SPAG9: variants seen among roughly 807,000 people sequenced by gnomAD.
The protein encoded by SPAG9 is C-Jun-amino-terminal kinase-interacting protein 4.
SPAG9 carries 35 observed loss-of-function variants against 166.5 expected under a neutral mutation model. The observed-to-expected ratio is 0.21, with a 90% confidence interval of 0.16 to 0.28. The LOEUF (loss-of-function observed/expected upper bound fraction) is 0.28. Ranked by LOEUF, SPAG9 falls within the 10% of genes least tolerant of loss-of-function variation. The pLI is 1.00. For synonymous variants in SPAG9, 534 were observed against 565.5 expected, an observed-to-expected ratio of 0.94 and a Z score of 0.79; for missense variants, 1,235 against 1,603.3, an observed-to-expected ratio of 0.77 and a Z score of 3.92.
chr17:51,095,831 TAG>T (rs1194454484), intron 1 of SPAG9, among the ~76,000 whole-genome samples: 5 of 85,416 alleles, frequency 5.9e-5, no homozygotes, highest in South Asian at 7.7e-4. Context: ...GGGAGAGATA[TAG>T]AGATATATAG....
chr17:51,033,310 G>GA (rs368879602), intron 5 of SPAG9, among the ~76,000 whole-genome samples: 1,785 of 86,942 alleles, frequency 0.021, 30 homozygotes, highest in African/African-American at 0.06. Context: ...GTCATTAAAT[G>GA]AAAAAAAAAA....
intron 3 of SPAG9, 119 bp downstream of exon 3, chr17:51,056,293 C>T: frequency 1.5e-6 from 1 of 671,402 alleles, no homozygotes; most frequent in East Asian, 2.8e-5. Flanking sequence ...TTGAAAGAAT[C>T]CCCAAGAATT....
chr17:51,091,273 C>G (rs374540859), intron 1 of SPAG9, among the ~76,000 whole-genome samples: 1 of 49,158 alleles, frequency 2.0e-5, no homozygotes, highest in Non-Finnish European at 4.8e-5. Context: ...ACCCTGTATA[C>G]AAAAAAAAAA....
chr17:51,100,013 T>C (rs2048764557), intron 1 of SPAG9, among the ~76,000 whole-genome samples: 1 of 151,998 alleles, frequency 6.6e-6, no homozygotes, highest in African/African-American at 2.4e-5. Context: ...GGCAAGACAA[T>C]CACTTGAACC....
At chr17:50,973,483 T>A (rs550574260) in intron 28 of SPAG9, among the ~76,000 whole-genome samples, 4 of 152,326 alleles carry the variant, frequency 2.6e-5, no homozygotes, top group African/African-American at 9.6e-5. Flanking sequence ...TCATTATCAC[T>A]GTTGTTAAGA....
At chr17:51,113,693 AC>A (rs1274144316) in intron 1 of SPAG9, among the ~76,000 whole-genome samples, 23 of 145,280 alleles carry the variant, frequency 1.6e-4, no homozygotes, top group African/African-American at 5.1e-4. Flanking sequence ...AAAAAAAAAA[AC>A]AACAACAACA....
chr17:51,086,594 A>G (rs1373660057), intron 1 of SPAG9, among the ~76,000 whole-genome samples: 3 of 152,114 alleles, frequency 2.0e-5, no homozygotes, highest in African/African-American at 7.2e-5. Context: ...TGGAGGCTGT[A>G]ATGAGCCGAC....
At chr17:51,095,945 T>TGATA (rs1555659765) in intron 1 of SPAG9, among the ~76,000 whole-genome samples, 15 of 110,094 alleles carry the variant, frequency 1.4e-4, no homozygotes, top group African/African-American at 6.0e-4. Context: ...AGTGATATAG[T>TGATA]TATATATATA....
chr17:51,037,677 ATATATATAGTGT>A (rs1216188879), intron 5 of SPAG9, among the ~76,000 whole-genome samples: 2 of 99,108 alleles, frequency 2.0e-5, no homozygotes, highest in Non-Finnish European at 4.8e-5. Context: ...ATATATATAT[ATATATATAGTGT>A]GTGTGTGTGT....
In SPAG9 at chr17:50,966,207, G is replaced by A. The variant is rs1973352657; in HGVS notation, c.*65C>T. ...TCTCACAAAAGAGCATTAAATAAAAGGATAGAGGGAAAATAAACCATGCAG... is the reference window on the plus strand; with the variant it reads ...TCTCACAAAAGAGCATTAAATAAAAAGATAGAGGGAAAATAAACCATGCAG... On this transcript the variant is annotated 3_prime_UTR_variant, in exon 30 of 30. Transcript: ENST00000262013. The A allele has an allele frequency of 4.2e-6, 4 of 962,316 alleles. No homozygotes were observed. The South Asian group carries it at 5.1e-5, about 12-fold the overall frequency. 59.6% of individuals were successfully genotyped at this position (962,316 alleles called of 1,614,324 possible).
At position 50,984,953 on chromosome 17, in the gene SPAG9, C is replaced by G; in HGVS notation, c.3058G>C (p.Gly1020Arg). The G allele has an allele frequency of 6.2e-7, 1 of 1,614,076 alleles. No homozygotes were observed. The highest frequency in any genetic ancestry group is 8.5e-7 in the Non-Finnish European group (1 of 1,179,998). The change falls in exon 24 of 30, where the codon GGC becomes CGC. Residue 1020 changes from glycine to arginine, a missense_variant. By Grantham distance (125) the Gly-to-Arg change is moderately radical (BLOSUM62 -2). Around this residue, in one of 6 missense-constraint regions of SPAG9, gnomAD observed 493 missense variants for 559.4 expected, o/e 0.88. Transcript: ENST00000262013. Reference protein sequence around the residue: ...KGIVLVALADGTLAIFHRGVD... With the variant: ...KGIVLVALADRTLAIFHRGVD... ...CCTCTGTGAAAGATTGCAAGGGTGC[C>G]GTCAGCCAGGGCTACTAACACGATT...
chr17:51,035,000 G>A (rs969239561), intron 5 of SPAG9, among the ~76,000 whole-genome samples: 9 of 152,184 alleles, frequency 5.9e-5, no homozygotes, highest in Non-Finnish European at 1.3e-4. Context: ...GAACACTGGC[G>A]AGACATAATG....
At chr17:51,034,445 A>G (rs2046506151) in intron 5 of SPAG9, among the ~76,000 whole-genome samples, 1 of 152,210 alleles carries the variant, frequency 6.6e-6, no homozygotes, top group African/African-American at 2.4e-5. Context: ...TATGGTGCCA[A>G]TAAGGAAGAA....
intron 27 of SPAG9, chr17:50,976,518 T>G (rs562472619): frequency 1.3e-5 from 2 of 153,428 alleles, no homozygotes; most frequent in East Asian, 1.9e-4. Context: ...ACTTACAGTA[T>G]TTGCTTTTAA....
At chr17:51,054,349 C>T (rs188002530) in intron 3 of SPAG9, among the ~76,000 whole-genome samples, 11 of 151,874 alleles carry the variant, frequency 7.2e-5, no homozygotes, top group Admixed American at 1.3e-4. Context: ...TCTCAAACTC[C>T]TGGGCTTAAG....
chr17:51,046,692 C>A (rs777934987), intron 4 of SPAG9: 2 of 1,536,008 alleles, frequency 1.3e-6, no homozygotes, highest in South Asian at 2.4e-5. Flanking sequence ...AACACCCGAA[C>A]CAAGGAGGCC....
intron 2 of SPAG9, among the ~76,000 whole-genome samples, chr17:51,061,612 C>CGAA (rs34337438): frequency 6.3e-5 from 2 of 31,726 alleles, no homozygotes; most frequent in Non-Finnish European, 1.2e-4. Context: ...GCTCTGTCTC[C>CGAA]AAAAAAAAAA....
chr17:51,098,927 C>T (rs924782495), intron 1 of SPAG9, among the ~76,000 whole-genome samples: 3 of 151,658 alleles, frequency 2.0e-5, no homozygotes, highest in East Asian at 4.0e-4. Context: ...TGCTGAAACC[C>T]GGTCTCTACT....
At position 50,964,258 on chromosome 17, in the gene SPAG9, G is replaced by A. The variant is rs544025737; in HGVS notation, c.*2014C>T. On this transcript the variant is annotated 3_prime_UTR_variant, in exon 30 of 30. Transcript: ENST00000262013. ...GATGATTGGGGGCCTTTATCCCATA[G>A]GTTTATACTGTTAAAACAGTACATA... is the stretch of plus-strand genomic sequence containing the variant. The A allele has an allele frequency of 6.6e-6, 1 of 152,124 alleles. No homozygotes were observed. Among genetic ancestry groups the A allele is most frequent in the African/African-American group, 2.4e-5 (1 of 41,408 alleles). The allele number at this position is 152,124 out of a possible 1,614,324, so 9.4% of individuals were successfully genotyped here. A position where few individuals can be genotyped will look rare whatever the true frequency, so the allele number is the denominator to read the frequency against.
Sources: allele counts gnomAD v4.1 joint callset (sites outside exome capture counted in the v4.1 genomes callset), GRCh38; gene constraint gnomAD v4.1.1; regional missense constraint gnomAD v4.1.1; transcripts MANE v1.5; gene names NCBI Gene and HGNC (gene_info 2026-07-23, HGNC 2026-07-21).